The following ELAC2 variants were observed in gnomAD, a reference collection of about 807,000 sequenced individuals.
ELAC2 encodes the protein elaC ribonuclease Z 2.
In ELAC2, 92 loss-of-function variants were observed where a neutral mutation model predicts 105.2. That is an observed-to-expected ratio of 0.87 (90% CI 0.74 to 1.04). ELAC2 has a LOEUF of 1.04. Among genes scored for constraint, ELAC2 ranks in the 50% least tolerant of loss-of-function variants. The pLI is 0.00. For missense variants in ELAC2, 1,099 were observed against 1,071.7 expected, an observed-to-expected ratio of 1.03 and a Z score of -0.36; for synonymous variants, 468 against 409.1, an observed-to-expected ratio of 1.14 and a Z score of -1.74.
chr17:12,996,404 C>T, intron 17 of ELAC2, 143 bp downstream of exon 17: 1 of 1,304,704 alleles, frequency 7.7e-7, no homozygotes, highest in Non-Finnish European at 1.1e-6. Flanking sequence ...TTGAGTTTTG[C>T]AAAAAACCAT....
In ELAC2 at chr17:12,994,860, AG is replaced by A; in HGVS notation, c.1932del (p.Cys645AlafsTer39). On this transcript the variant is annotated frameshift_variant, in exon 21 of 24. Coordinates refer to ENST00000338034, the MANE Select transcript of ELAC2 (RefSeq NM_018127.7). LOFTEE classifies it high-confidence loss of function. ...LEEFQTCLVR[H>X]CKHAFGCALV... ...AGCGCACAGCCAAACGCATGCTTGC[AG>A]TGCCGCACCAGACAGGTCTGAAACT... 6.2e-7 allele frequency: 1 copy of A among 1,614,108 alleles called. No individual in the cohort carries two copies.
chr17:13,017,948 G>A lies in ELAC2; in HGVS notation c.-1C>T, dbSNP rs2041845579. The A allele has an allele frequency of 6.5e-7, 1 of 1,536,778 alleles. No individual in the cohort carries two copies. Among genetic ancestry groups the A allele is most frequent in the South Asian group, 1.2e-5 (1 of 83,934 alleles). ...GCAGCAGCGAGCAAAGCGCCCACAT[G>A]CGCCCGTCTCCACCAAAACTGAGAA... is the stretch of plus-strand genomic sequence containing the variant. On this transcript the variant is annotated 5_prime_UTR_variant, in exon 1 of 24. Coordinates refer to ENST00000338034, the MANE Select transcript of ELAC2 (RefSeq NM_018127.7).
rs1472788504 is a variant in ELAC2, at chr17:13,002,344, G to T, written c.1234C>A (p.Leu412Ile). 6.2e-7 allele frequency: 1 copy of T among 1,614,118 alleles called. No individual in the cohort carries two copies. The highest frequency in any genetic ancestry group is 1.3e-5 in the African/African-American group (1 of 74,942). Residue 412 changes from leucine to isoleucine, a missense_variant, in exon 14 of 24, where the codon CTC (leucine) becomes ATC (isoleucine). By Grantham distance (5) the Leu-to-Ile change is conservative (BLOSUM62 2). Coordinates refer to ENST00000338034, the MANE Select transcript of ELAC2 (RefSeq NM_018127.7). ...TCACCCTGAACCATGGGCACACTGA[G>T]GGTGGGGCCCTCCTTCTGAAAGAGA... ...SFRCKKEGPT[L>I]SVPMVQGECL... is the part of the protein sequence containing the mutation.
chr17:13,005,722 A>G, intron 10 of ELAC2, 31 bp downstream of exon 10: 1 of 1,600,514 alleles, frequency 6.2e-7, no homozygotes, highest in Non-Finnish European at 8.5e-7. Context: ...CCTACCTGTA[A>G]CTGCTGAATC....
At chr17:13,010,231 T>G (rs1598257005) in intron 8 of ELAC2, among the ~76,000 whole-genome samples, 1 of 151,886 alleles carries the variant, frequency 6.6e-6, no homozygotes, top group African/African-American at 2.4e-5. Context: ...AGTGCAATGG[T>G]GCAATCTCAA....
intron 14 of ELAC2, 123 bp from the exon 15 acceptor site, chr17:13,000,397 C>T: frequency 1.1e-6 from 1 of 917,508 alleles, no homozygotes; most frequent in South Asian, 1.3e-5. Flanking sequence ...CAGATCAACA[C>T]TGAAGGTTAA....
chr17:13,007,003 C>G (rs2041145829), intron 8 of ELAC2, among the ~76,000 whole-genome samples: 1 of 151,782 alleles, frequency 6.6e-6, no homozygotes. Flanking sequence ...CGCCTGTAGT[C>G]CCAGCTACTC....
At position 12,992,887 on chromosome 17, in the gene ELAC2, C is replaced by T. The variant is rs1165224986; in HGVS notation, c.2412G>A (p.Glu804=). 6.2e-7 allele frequency: 1 copy of T among 1,612,794 alleles called. No homozygotes were observed. The highest frequency in any genetic ancestry group is 8.5e-7 in the Non-Finnish European group (1 of 1,180,036). The change falls in exon 24 of 24, where the codon GAG becomes GAA. Residue 804 remains glutamate (E), a synonymous_variant. Transcript: ENST00000338034. The part of the protein sequence containing the change: ...LLSRELAGGL[E]DGEPQQKRAH... Reference sequence around the variant, plus strand: ...CCCGCTTCTGCTGAGGCTCCCCATCCTCCAGGCCGCCTGCCAGCTCCCTGG... The same window carrying T: ...CCCGCTTCTGCTGAGGCTCCCCATCTTCCAGGCCGCCTGCCAGCTCCCTGG...
At chr17:13,004,169 C>A (rs115328171) in intron 11 of ELAC2, 1 of 157,726 alleles carries the variant, frequency 6.3e-6, no homozygotes, top group Non-Finnish European at 1.4e-5. Context: ...CCACACATGG[C>A]TCTCAAATGA....
At chr17:13,011,465 C>T (rs1370627751) in intron 7 of ELAC2, among the ~76,000 whole-genome samples, 198 bp downstream of exon 7, 1 of 152,166 alleles carries the variant, frequency 6.6e-6, no homozygotes, top group Non-Finnish European at 1.5e-5. Context: ...GTGGACTGGT[C>T]ATTATTAAAG....
chr17:12,992,521 G>A lies in ELAC2; in HGVS notation c.*297C>T. 1 of 483,412 alleles carries A rather than the reference G, an allele frequency of 2.1e-6. No individual in the cohort carries two copies. Among genetic ancestry groups the A allele is most frequent in the Non-Finnish European group, 3.8e-6 (1 of 264,834 alleles). 29.9% of individuals were successfully genotyped at this position (483,412 alleles called of 1,614,324 possible). ...CACTTTGCTGGATTAGAGGAAAGGT[G>A]CCGCCGTCTGTTTCCAAGACTTCTT... is the stretch of plus-strand genomic sequence containing the variant. On this transcript the variant is annotated 3_prime_UTR_variant, in exon 24 of 24. Transcript: ENST00000338034.
At chr17:13,015,237 A>G (rs972746684) in intron 4 of ELAC2, among the ~76,000 whole-genome samples, 3 of 152,246 alleles carry the variant, frequency 2.0e-5, no homozygotes, top group Non-Finnish European at 4.4e-5. Context: ...GAAATAAGGA[A>G]GGCCTCAATA....
intron 17 of ELAC2, 92 bp downstream of exon 17, chr17:12,996,455 T>C: frequency 6.3e-7 from 1 of 1,595,398 alleles, no homozygotes; most frequent in Non-Finnish European, 8.5e-7. Flanking sequence ...TGGGCAAGTT[T>C]GGAAGCGGAG....
rs745763181 is a variant in ELAC2, at chr17:13,002,345, G to A, written c.1233C>T (p.Thr411=). ...CACCCTGAACCATGGGCACACTGAG[G>A]GTGGGGCCCTCCTTCTGAAAGAGAC... is the stretch of plus-strand genomic sequence containing the variant. The part of the protein sequence containing the change: ...TSFRCKKEGP[T]LSVPMVQGEC... Residue 411 remains threonine, a synonymous_variant, in exon 14 of 24, where the codon ACC becomes ACT. Transcript: ENST00000338034. 1 of 1,614,200 alleles carries A rather than the reference G, an allele frequency of 6.2e-7. No homozygotes were observed. The highest frequency in any genetic ancestry group is 8.5e-7 in the Non-Finnish European group (1 of 1,180,034).
Position 12,992,925 on chromosome 17 carries a change from C to CCCGCACCTG in ELAC2, c.2365_2373dup (p.Gln789_Arg791dup), listed in dbSNP as rs926500016. The CCCGCACCTG allele has an allele frequency of 7.4e-6, 12 of 1,611,250 alleles. No homozygotes were observed. In the Admixed American group the frequency reaches 1.2e-4, roughly 16 times the overall value. Reference sequence around the variant, plus strand: ...GCCAGCTCCCTGGACAGGAGGGCCGCCCGCACCTGCCGCAGCTCCCGCTTC... The same window carrying CCCGCACCTG: ...GCCAGCTCCCTGGACAGGAGGGCCGCCCGCACCTGCCGCACCTGCCGCAGCTCCCGCTTC... On this transcript the variant is annotated inframe_insertion, in exon 24 of 24. Coordinates refer to ENST00000338034, the MANE Select transcript of ELAC2 (RefSeq NM_018127.7).
intron 22 of ELAC2, 85 bp downstream of exon 22, chr17:12,994,340 A>C: frequency 6.9e-7 from 1 of 1,443,680 alleles, no homozygotes; most frequent in Non-Finnish European, 9.8e-7. Context: ...GCCCCACATC[A>C]GTGGAGACAA....
Position 13,017,741 on chromosome 17 carries a change from G to A in ELAC2, c.207C>T (p.Asp69=). 1.2e-6 allele frequency: 2 copies of A among 1,612,130 alleles called. No homozygotes were observed. The highest frequency in any genetic ancestry group is 1.7e-6 in the Non-Finnish European group (2 of 1,179,576). ...YLQVVAAGSR[D]SGAALYVFSE... Reference sequence around the variant, plus strand: ...AGAAGACGTAGAGCGCGGCGCCCGAGTCCCGGCTACCCGCTGCCACCACCT... The same window carrying A: ...AGAAGACGTAGAGCGCGGCGCCCGAATCCCGGCTACCCGCTGCCACCACCT... The change falls in exon 1 of 24, where the codon GAC becomes GAT. Residue 69 remains aspartate, a synonymous_variant. Coordinates refer to ENST00000338034, the MANE Select transcript of ELAC2 (RefSeq NM_018127.7).
intron 7 of ELAC2, among the ~76,000 whole-genome samples, chr17:13,010,976 A>G: frequency 6.6e-6 from 1 of 152,238 alleles, no homozygotes; most frequent in East Asian, 1.9e-4. Context: ...AATATATTGT[A>G]ATGTGCTTTA....
chr17:13,005,765 A>T lies in ELAC2; in HGVS notation c.858T>A (p.His286Gln). The change falls in exon 10 of 24, where the codon CAT becomes CAA. Residue 286 changes from histidine to glutamine, a missense_variant. Coordinates refer to ENST00000338034, the MANE Select transcript of ELAC2 (RefSeq NM_018127.7). ...AAVKDGKSIT[H>Q]EGREILAEEL... ...CCAGGCATCTCACCTCTCTTCCTTC[A>T]TGAGTGATGCTTTTCCCGTCCTTGA... is the stretch of plus-strand genomic sequence containing the variant. 6.2e-7 allele frequency: 1 copy of T among 1,614,168 alleles called. No individual in the cohort carries two copies. Among genetic ancestry groups the T allele is most frequent in the South Asian group, 1.1e-5 (1 of 91,082 alleles).
Sources: gnomAD v4.1 joint callset for allele counts (sites outside exome capture counted in the v4.1 genomes callset) on GRCh38, gnomAD v4.1.1 for gene constraint, MANE v1.5 for transcripts, NCBI Gene and HGNC (gene_info 2026-07-23, HGNC 2026-07-21) for gene names.